CACNA2D1: variants seen among roughly 807,000 people sequenced by gnomAD.
CACNA2D1 encodes calcium voltage-gated channel auxiliary subunit alpha2delta 1.
In CACNA2D1, 53 loss-of-function variants were observed where a neutral mutation model predicts 171.5. The ratio of observed to expected loss-of-function variants is 0.31; its 90% CI spans 0.25 to 0.39. The LOEUF (loss-of-function observed/expected upper bound fraction) is 0.39, where lower values mean the gene tolerates loss of function less well. Ranked by LOEUF, CACNA2D1 falls within the 10% of genes least tolerant of loss-of-function variation. The probability of loss-of-function intolerance (pLI) is 1.00; values close to 1 mark genes in which losing one functional copy is unlikely to be tolerated. For synonymous variants in CACNA2D1, 442 were observed against 443.1 expected (o/e 1.00, Z 0.03); for missense variants, 903 against 1,299.8 (o/e 0.69, Z 4.69).
chr7:82,343,057 A>T (rs573722114), intron 2 of CACNA2D1: 1 of 152,320 alleles, frequency 6.6e-6, no homozygotes, highest in South Asian at 2.1e-4. Context: ...TACATACCAC[A>T]TATACACACA....
chr7:82,314,281 A>G (rs1314906522), intron 3 of CACNA2D1, among the ~76,000 whole-genome samples: 1 of 152,168 alleles, frequency 6.6e-6, no homozygotes, highest in African/African-American at 2.4e-5. Flanking sequence ...GTCTTCATTA[A>G]GTTTTTATAG....
At chr7:82,191,678 GAATA>G (rs1251391994) in intron 3 of CACNA2D1, among the ~76,000 whole-genome samples, 6 of 151,724 alleles carry the variant, frequency 4.0e-5, no homozygotes, top group African/African-American at 1.4e-4. Flanking sequence ...GTCATAACAT[GAATA>G]AATAATTTCC....
At chr7:82,196,815 CA>C (rs967939653) in intron 3 of CACNA2D1, among the ~76,000 whole-genome samples, 1 of 149,680 alleles carries the variant, frequency 6.7e-6, no homozygotes, top group Non-Finnish European at 1.5e-5. Context: ...TCATCTGGTA[CA>C]TTTTTTTTTT....
intron 1 of CACNA2D1, among the ~76,000 whole-genome samples, chr7:82,439,414 T>C (rs1416326932): frequency 1.3e-5 from 2 of 151,924 alleles, no homozygotes; most frequent in African/African-American, 2.4e-5. Flanking sequence ...AGTCAGTTTG[T>C]TGTGAAGAAA....
At chr7:82,397,076 C>T (rs2129451309) in intron 1 of CACNA2D1, among the ~76,000 whole-genome samples, 1 of 152,142 alleles carries the variant, frequency 6.6e-6, no homozygotes, top group African/African-American at 2.4e-5. Context: ...CCCCACCCCA[C>T]CTCCATTCCA....
At chr7:81,969,621 G>A (rs1795057857) in intron 28 of CACNA2D1, among the ~76,000 whole-genome samples, 2 of 151,140 alleles carry the variant, frequency 1.3e-5, no homozygotes, top group Admixed American at 1.3e-4. Context: ...TTATCTACAT[G>A]TGTTTCTATT....
At chr7:82,399,702 C>G (rs936168853) in intron 1 of CACNA2D1, among the ~76,000 whole-genome samples, 1 of 140,010 alleles carries the variant, frequency 7.1e-6, no homozygotes, top group Non-Finnish European at 1.5e-5. Flanking sequence ...CCCCCCAGCC[C>G]CCACCCCCAC....
At chr7:82,264,746 G>A (rs992646990) in intron 3 of CACNA2D1, among the ~76,000 whole-genome samples, 1 of 152,172 alleles carries the variant, frequency 6.6e-6, no homozygotes, top group African/African-American at 2.4e-5. Flanking sequence ...AGATGCACCT[G>A]CTTCCTCATT....
intron 6 of CACNA2D1, among the ~76,000 whole-genome samples, chr7:82,087,197 AC>A (rs1810576777): frequency 6.6e-6 from 1 of 152,170 alleles, no homozygotes; most frequent in Non-Finnish European, 1.5e-5. Flanking sequence ...GAATACAGAC[AC>A]TTCCATGTGT....
At chr7:82,438,960 T>C (rs2129459753) in intron 1 of CACNA2D1, among the ~76,000 whole-genome samples, 1 of 152,196 alleles carries the variant, frequency 6.6e-6, no homozygotes, top group East Asian at 1.9e-4. Flanking sequence ...TTAGAAATGC[T>C]TATGTCCATA....
intron 28 of CACNA2D1, among the ~76,000 whole-genome samples, chr7:81,969,330 G>A (rs914934332): frequency 6.6e-6 from 1 of 151,338 alleles, no homozygotes; most frequent in African/African-American, 2.4e-5. Flanking sequence ...AACTGACTTT[G>A]TCTTTTATAA....
intron 1 of CACNA2D1, among the ~76,000 whole-genome samples, chr7:82,352,679 G>A (rs1349578809): frequency 6.6e-6 from 1 of 152,166 alleles, no homozygotes; most frequent in African/African-American, 2.4e-5. Context: ...GCAGAAGAGA[G>A]CCAATGCTTA....
chr7:82,346,404 T>G (rs1819261995), intron 2 of CACNA2D1, among the ~76,000 whole-genome samples: 1 of 152,184 alleles, frequency 6.6e-6, no homozygotes, highest in Non-Finnish European at 1.5e-5. Flanking sequence ...CTCCATGAGA[T>G]TAAATAACTT....
chr7:82,143,748 C>A (rs1055844700), intron 4 of CACNA2D1, among the ~76,000 whole-genome samples: 21 of 152,142 alleles, frequency 1.4e-4, no homozygotes, highest in Non-Finnish European at 2.8e-4. Flanking sequence ...AATCATCATT[C>A]ATTACTGCCT....
chr7:82,107,586 CTT>C (rs72498624), intron 6 of CACNA2D1, among the ~76,000 whole-genome samples: 53 of 135,630 alleles, frequency 3.9e-4, no homozygotes, highest in South Asian at 4.8e-4. Flanking sequence ...TGAAAATAAA[CTT>C]TTTTTTTTTT....
intron 1 of CACNA2D1, among the ~76,000 whole-genome samples, chr7:82,385,854 G>C (rs4728504): frequency 6.6e-6 from 1 of 151,690 alleles, no homozygotes; most frequent in African/African-American, 2.4e-5. Flanking sequence ...TAGTAGAGAC[G>C]GGGTTTCACC....
intron 3 of CACNA2D1, among the ~76,000 whole-genome samples, chr7:82,311,074 CA>C (rs1814402090): frequency 6.6e-6 from 1 of 151,850 alleles, no homozygotes; most frequent in African/African-American, 2.4e-5. Flanking sequence ...AATATGTGTC[CA>C]AAATTTGATG....
At chr7:81,961,582 TTAAAA>T (rs1794123886) in intron 36 of CACNA2D1, among the ~76,000 whole-genome samples, 1 of 151,676 alleles carries the variant, frequency 6.6e-6, no homozygotes, top group South Asian at 2.1e-4. Context: ...GGAAAAAAAG[TTAAAA>T]TATAATCAAA....
chr7:82,093,569 A>T (rs958177545), intron 6 of CACNA2D1, among the ~76,000 whole-genome samples: 1 of 152,124 alleles, frequency 6.6e-6, no homozygotes, highest in Non-Finnish European at 1.5e-5. Context: ...TAGTCTATTA[A>T]CCTTTCCATT....
Sources: gnomAD v4.1 joint callset for allele counts (sites outside exome capture counted in the v4.1 genomes callset) on GRCh38, gnomAD v4.1.1 for gene constraint, MANE v1.5 for transcripts, NCBI Gene and HGNC (gene_info 2026-07-23, HGNC 2026-07-21) for gene names.